Variants in PRKCE observed in about 807,000 individuals in gnomAD.
PRKCE encodes protein kinase C epsilon.
A neutral mutation model predicts 85.4 loss-of-function variants in PRKCE; 16 were observed. That is an observed-to-expected ratio of 0.19 (90% CI 0.13 to 0.28). The LOEUF is 0.28. Among genes scored for constraint, PRKCE ranks in the 10% least tolerant of loss-of-function variants. The pLI is 1.00. For missense variants in PRKCE, 573 were observed against 975.2 expected (o/e 0.59, Z 5.49); for synonymous variants, 388 against 371.5 (o/e 1.04, Z -0.51).
intron 1 of PRKCE, among the ~76,000 whole-genome samples, chr2:45,667,795 A>C (rs1380614293): frequency 2.1e-5 from 3 of 143,728 alleles, no homozygotes; most frequent in Admixed American, 6.9e-5. Flanking sequence ...TTTTAACTTC[A>C]AAAAAAAAAA....
At chr2:45,761,820 C>T (rs928533747) in intron 1 of PRKCE, among the ~76,000 whole-genome samples, 1 of 152,172 alleles carries the variant, frequency 6.6e-6, no homozygotes, top group African/African-American at 2.4e-5. Flanking sequence ...TGAGCCACCC[C>T]GCTTTCTCAC....
intron 11 of PRKCE, among the ~76,000 whole-genome samples, chr2:46,122,446 T>A (rs1179838961): frequency 2.6e-5 from 4 of 152,140 alleles, no homozygotes; most frequent in Non-Finnish European, 5.9e-5. Context: ...CCAGCTGGTC[T>A]CAAACTCCTG....
chr2:45,652,181 T>C lies in PRKCE; in HGVS notation c.81T>C (p.His27=). 2 of 1,608,358 alleles carry C rather than the reference T, an allele frequency of 1.2e-6. No individual in the cohort carries two copies. The highest frequency in any genetic ancestry group is 1.7e-6 in the Non-Finnish European group (2 of 1,176,674). Residue 27 remains histidine (H), a synonymous_variant, in exon 1 of 15, where the codon CAT becomes CAC. Coordinates refer to ENST00000306156, the MANE Select transcript of PRKCE (RefSeq NM_005400.3). The surrounding 1 kb of genome is among the most constrained non-coding windows in gnomAD (Gnocchi z 7.7). The stretch of plus-strand genomic sequence containing the variant: ...AGCCCACAGCCTGGTCGCTGCGCCA[T>C]GCGGTGGGACCCCGGCCGCAGACTT... ...SLKPTAWSLR[H]AVGPRPQTFL...
At chr2:45,668,488 T>A (rs549062967) in intron 1 of PRKCE, among the ~76,000 whole-genome samples, 1 of 152,286 alleles carries the variant, frequency 6.6e-6, no homozygotes, top group African/African-American at 2.4e-5. Context: ...GGGCTAGGGG[T>A]TGCTTGTCAT....
rs1257053260 is a variant in PRKCE at position 45,984,556 on chromosome 2, C to T, written c.699C>T (p.Gly233=). The T allele has an allele frequency of 6.3e-7, 1 of 1,599,604 alleles. No homozygotes were observed. The highest frequency in any genetic ancestry group is 8.5e-7 in the Non-Finnish European group (1 of 1,179,852). The part of the protein sequence containing the change: ...LKKQETPDQV[G]SQRFSVNMPH... The stretch of plus-strand genomic sequence containing the variant: ...GTATCTTGCCATCCCTGCAGGTGGG[C>T]TCCCAGCGGTTCAGCGTCAACATGC... Residue 233 remains glycine, a synonymous_variant, in exon 6 of 15, where the codon GGC becomes GGT. Coordinates refer to ENST00000306156, the MANE Select transcript of PRKCE (RefSeq NM_005400.3).
At chr2:45,888,552 G>A (rs189370898) in intron 2 of PRKCE, among the ~76,000 whole-genome samples, 160 of 131,506 alleles carry the variant, frequency 1.2e-3, no homozygotes, top group African/African-American at 4.3e-3. Flanking sequence ...CTGGGTTCAA[G>A]CAATTCTCCT....
intron 1 of PRKCE, among the ~76,000 whole-genome samples, chr2:45,731,081 C>T (rs1477274978): frequency 6.6e-6 from 1 of 152,084 alleles, no homozygotes; most frequent in South Asian, 2.1e-4. Flanking sequence ...AGGGAGAACT[C>T]TCAGGCAGAA....
At chr2:45,723,186 G>A (rs1186911641) in intron 1 of PRKCE, among the ~76,000 whole-genome samples, 1 of 151,858 alleles carries the variant, frequency 6.6e-6, no homozygotes, top group Non-Finnish European at 1.5e-5. Flanking sequence ...GGCCACTTCT[G>A]CCCTCCTGGG....
intron 5 of PRKCE, among the ~76,000 whole-genome samples, chr2:45,983,147 C>T (rs2104582582): frequency 6.6e-6 from 1 of 152,330 alleles, no homozygotes; most frequent in South Asian, 2.1e-4. Context: ...GTAGACCATC[C>T]ATTTCAGTAG....
Position 45,822,572 on chromosome 2 carries a change from G to T in PRKCE, c.349-20428G>T, listed in dbSNP as rs141756373. On this transcript the variant is annotated intron_variant, in intron 1 of 14. Coordinates refer to ENST00000306156, the MANE Select transcript of PRKCE (RefSeq NM_005400.3). ...CTCTTCCTTGTGCCTGGGCTGGGGT[G>T]CCCTGTAATGACTCTGGGCATAGAG... is the stretch of plus-strand genomic sequence containing the variant. Among the ~76,000 whole-genome samples the T allele has an allele frequency of 9.7e-3, 1,473 of 152,322 alleles. 9 individuals are homozygous for T. Among genetic ancestry groups the T allele is most frequent in the Non-Finnish European group, 0.016 (1,066 of 68,030 alleles).
chr2:45,919,406 G>T (rs577399534), intron 2 of PRKCE, among the ~76,000 whole-genome samples: 1 of 152,226 alleles, frequency 6.6e-6, no homozygotes, highest in Non-Finnish European at 1.5e-5. Context: ...GAAAGCCAGC[G>T]TAGGCAGTGG....
At chr2:46,118,612 C>T (rs919336277) in intron 11 of PRKCE, among the ~76,000 whole-genome samples, 1 of 152,132 alleles carries the variant, frequency 6.6e-6, no homozygotes, top group Admixed American at 6.6e-5. Context: ...TAACAACTGG[C>T]TTCAATAAGG....
chr2:45,915,655 C>T (rs1573861895), intron 2 of PRKCE, among the ~76,000 whole-genome samples: 1 of 152,184 alleles, frequency 6.6e-6, no homozygotes, highest in South Asian at 2.1e-4. Flanking sequence ...TTCGTATGAT[C>T]TTTTTCTCAT....
At chr2:45,660,843 C>A (rs1675603349) in intron 1 of PRKCE, among the ~76,000 whole-genome samples, 1 of 152,164 alleles carries the variant, frequency 6.6e-6, no homozygotes, top group South Asian at 2.1e-4. Context: ...TGTGAAGTGG[C>A]CAAAAGTCTG....
At chr2:45,919,684 C>A (rs1166325105) in intron 2 of PRKCE, among the ~76,000 whole-genome samples, 1 of 152,186 alleles carries the variant, frequency 6.6e-6, no homozygotes, top group African/African-American at 2.4e-5. Context: ...GTCATGAATT[C>A]CCCCCAACCT....
intron 10 of PRKCE, among the ~76,000 whole-genome samples, chr2:46,022,212 G>T (rs1305542285): frequency 6.6e-6 from 1 of 152,186 alleles, no homozygotes; most frequent in Non-Finnish European, 1.5e-5. Context: ...CTTGCTCTGA[G>T]ACAGTTATCT....
chr2:45,969,185 G>A (rs1041061615), intron 2 of PRKCE, among the ~76,000 whole-genome samples: 2 of 151,732 alleles, frequency 1.3e-5, no homozygotes, highest in East Asian at 1.9e-4. Context: ...TCTCTGCTTC[G>A]CCTTATTTAT....
chr2:45,886,962 C>T (rs1375345), intron 2 of PRKCE, among the ~76,000 whole-genome samples: 28,375 of 152,104 alleles, frequency 0.19, 3,406 homozygotes, highest in East Asian at 0.41. Flanking sequence ...GTGAGGTGGA[C>T]GATGTCACTA....
intron 2 of PRKCE, among the ~76,000 whole-genome samples, chr2:45,950,347 A>G (rs1322861942): frequency 6.6e-6 from 1 of 152,220 alleles, no homozygotes; most frequent in African/African-American, 2.4e-5. Flanking sequence ...TTACCCCATC[A>G]TGGGACATCA....
Sources: gnomAD v4.1 joint callset for allele counts (sites outside exome capture counted in the v4.1 genomes callset) on GRCh38, gnomAD v4.1.1 for gene constraint, Gnocchi (gnomAD v3.1) non-coding constraint, MANE v1.5 for transcripts, NCBI Gene and HGNC (gene_info 2026-07-23, HGNC 2026-07-21) for gene names.